The following PTPRT variants were observed in gnomAD, a reference collection of about 807,000 sequenced individuals.
The protein encoded by PTPRT is protein tyrosine phosphatase receptor type T.
A neutral mutation model predicts 176.8 loss-of-function variants in PTPRT; 56 were observed. That is an observed-to-expected ratio of 0.32 (90% CI 0.26 to 0.40). PTPRT has a LOEUF of 0.40. Ranked by LOEUF, PTPRT falls within the 10% of genes least tolerant of loss-of-function variation. PTPRT has a pLI of 1.00. For synonymous variants in PTPRT, 783 were observed against 739.0 expected, an observed-to-expected ratio of 1.06 and a Z score of -0.96; for missense variants, 1,540 against 1,908.2, an observed-to-expected ratio of 0.81 and a Z score of 3.60.
At chr20:42,139,669 A>G (rs1476205780) in intron 18 of PTPRT, among the ~76,000 whole-genome samples, 3 of 152,230 alleles carry the variant, frequency 2.0e-5, no homozygotes, top group Non-Finnish European at 2.9e-5. Flanking sequence ...TCCTCAGTCT[A>G]AGAGATGCAG....
In PTPRT at chr20:42,523,441, C is replaced by G. The variant is rs146325672; in HGVS notation, c.1154-50879G>C. Among the ~76,000 whole-genome samples, 1,140 of 152,298 alleles carry G rather than the reference C, an allele frequency of 7.5e-3. 11 individuals are homozygous for G. The highest frequency in any genetic ancestry group is 0.026 in the African/African-American group (1,078 of 41,560). ...ACCTGATTGTCAATAGTTTGACCCT[C>G]TCTACTCATTATTTGTAATTTATAG... is the stretch of plus-strand genomic sequence containing the variant. On this transcript the variant is annotated intron_variant, in intron 7 of 30. Transcript: ENST00000373187.
chr20:43,092,808 T>C (rs558707303), intron 1 of PTPRT, among the ~76,000 whole-genome samples: 2 of 152,346 alleles, frequency 1.3e-5, no homozygotes, highest in South Asian at 2.1e-4. Context: ...TTCACTGTAA[T>C]AGACATGAGA....
intron 2 of PTPRT, among the ~76,000 whole-genome samples, chr20:42,827,386 A>G (rs1408214883): frequency 1.3e-5 from 2 of 152,240 alleles, no homozygotes; most frequent in Non-Finnish European, 2.9e-5. Flanking sequence ...AATAGAAGTC[A>G]ACACTAAAAA....
At chr20:42,997,798 C>CTTTATTAGCTTAGTTT (rs2146121806) in intron 1 of PTPRT, among the ~76,000 whole-genome samples, 1 of 152,268 alleles carries the variant, frequency 6.6e-6, no homozygotes, top group Admixed American at 6.5e-5. Flanking sequence ...TCCAAAGTCA[C>CTTTATTAGCTTAGTTT]ACAGCTAATA....
chr20:42,793,018 C>T (rs1412937658), intron 2 of PTPRT, among the ~76,000 whole-genome samples: 1 of 152,154 alleles, frequency 6.6e-6, no homozygotes, highest in Non-Finnish European at 1.5e-5. Flanking sequence ...AGGCGGATGG[C>T]CATGGACCCA....
intron 1 of PTPRT, among the ~76,000 whole-genome samples, chr20:42,951,403 G>A (rs1257241901): frequency 1.3e-5 from 2 of 151,374 alleles, no homozygotes; most frequent in East Asian, 3.9e-4. Context: ...ATGGGGGGGT[G>A]GGTAAGCGAG....
chr20:42,711,314 G>A (rs1476652422), intron 6 of PTPRT, among the ~76,000 whole-genome samples: 1 of 152,078 alleles, frequency 6.6e-6, no homozygotes, highest in African/African-American at 2.4e-5. Flanking sequence ...CAAATCTCTT[G>A]TTGAAAAGTA....
intron 1 of PTPRT, among the ~76,000 whole-genome samples, chr20:43,029,472 A>T (rs1443899335): frequency 6.6e-6 from 1 of 152,214 alleles, no homozygotes; most frequent in African/African-American, 2.4e-5. Flanking sequence ...GTAGCACTTC[A>T]TTCTCCTACC....
chr20:42,728,773 T>G (rs2076417450), intron 6 of PTPRT, among the ~76,000 whole-genome samples: 1 of 152,156 alleles, frequency 6.6e-6, no homozygotes. Context: ...CACCCTTCAT[T>G]GCAATTCTTG....
chr20:42,471,108 C>G (rs142973296), intron 8 of PTPRT, among the ~76,000 whole-genome samples: 2 of 152,302 alleles, frequency 1.3e-5, no homozygotes, highest in East Asian at 3.9e-4. Context: ...GATGAATATT[C>G]AGTTCTGGGT....
At chr20:42,700,966 T>C (rs910551061) in intron 6 of PTPRT, among the ~76,000 whole-genome samples, 1 of 152,048 alleles carries the variant, frequency 6.6e-6, no homozygotes, top group African/African-American at 2.4e-5. Flanking sequence ...GTGGGGGCGG[T>C]CCACACTGAT....
At chr20:42,979,949 A>C (rs1983175442) in intron 1 of PTPRT, among the ~76,000 whole-genome samples, 1 of 116,062 alleles carries the variant, frequency 8.6e-6, no homozygotes. Flanking sequence ...GAGATTCCAG[A>C]AGCCGGAGAG....
At position 42,619,587 on chromosome 20, in the gene PTPRT, G is replaced by A. The variant is rs1237001325; in HGVS notation, c.1153+58279C>T. On this transcript the variant is annotated intron_variant, in intron 7 of 30. Coordinates refer to ENST00000373187, the MANE Select transcript of PTPRT (RefSeq NM_007050.6). ...TCACTTTCAGGTACACCAATCAGAC[G>A]TAGATTTGGTCTTTTCACATAGTCC... Among the ~76,000 whole-genome samples, 292 of 124,188 alleles carry A rather than the reference G, an allele frequency of 2.4e-3. 4 individuals carry two copies. Among genetic ancestry groups the A allele is most frequent in the East Asian group, 0.012 (59 of 4,792 alleles). The allele number at this position is 124,188 out of a possible 152,430, so 81.5% of individuals were successfully genotyped here. A position where few individuals can be genotyped will look rare whatever the true frequency, so the allele number is the denominator to read the frequency against.
intron 7 of PTPRT, among the ~76,000 whole-genome samples, chr20:42,667,138 C>A (rs563867475): frequency 6.6e-6 from 1 of 152,284 alleles, no homozygotes; most frequent in African/African-American, 2.4e-5. Context: ...CAACATTTTT[C>A]ATCAGTGTAT....
intron 7 of PTPRT, among the ~76,000 whole-genome samples, chr20:42,662,444 A>C (rs1040894074): frequency 6.6e-6 from 1 of 152,064 alleles, no homozygotes. Flanking sequence ...AAAACACTAA[A>C]TCTCTCTGGC....
At chr20:42,048,904 C>T in the PTPRT span, among the ~76,000 whole-genome samples, 1 of 152,200 alleles carries the variant, frequency 6.6e-6, no homozygotes, top group African/African-American at 2.4e-5. Flanking sequence ...TCACTGCAAC[C>T]TCTGCCTCCC....
intron 9 of PTPRT, among the ~76,000 whole-genome samples, chr20:42,376,398 G>T (rs1487180924): frequency 6.6e-6 from 1 of 152,202 alleles, no homozygotes; most frequent in Admixed American, 6.5e-5. Context: ...GGCCACAGCT[G>T]GTTGCACTCT....
chr20:42,563,290 C>T (rs184827890), intron 7 of PTPRT, among the ~76,000 whole-genome samples: 4 of 152,220 alleles, frequency 2.6e-5, no homozygotes, highest in Non-Finnish European at 4.4e-5. Context: ...GAAAAAGTTG[C>T]TCAACATAAT....
chr20:42,899,735 T>G (rs2079368143), intron 1 of PTPRT, among the ~76,000 whole-genome samples: 2 of 152,196 alleles, frequency 1.3e-5, no homozygotes, highest in Admixed American at 1.3e-4. Context: ...GGAAACTCTT[T>G]AAATGCTCAT....
Sources: gnomAD v4.1 joint callset for allele counts (sites outside exome capture counted in the v4.1 genomes callset) on GRCh38, gnomAD v4.1.1 for gene constraint, MANE v1.5 for transcripts, NCBI Gene and HGNC (gene_info 2026-07-23, HGNC 2026-07-21) for gene names.